Variants in RANBP3L observed in about 807,000 individuals in gnomAD.
The protein encoded by RANBP3L is ran-binding protein 3-like.
In RANBP3L, 56 loss-of-function variants were observed where a neutral mutation model predicts 67.2. The observed-to-expected ratio is 0.83, with a 90% CI of 0.67 to 1.04. The LOEUF (loss-of-function observed/expected upper bound fraction) is 1.04, where lower values mean the gene tolerates loss of function less well. Among genes scored for constraint, RANBP3L ranks in the 50% least tolerant of loss-of-function variants. The probability of loss-of-function intolerance (pLI) is 0.00; values close to 1 mark genes in which losing one functional copy is unlikely to be tolerated. For synonymous variants in RANBP3L, 164 were observed against 181.4 expected (o/e 0.90, Z 0.77); for missense variants, 496 against 535.5 (o/e 0.93, Z 0.73).
At chr5:36,264,830 T>C in intron 6 of RANBP3L, 129 bp downstream of exon 6, 1 of 759,892 alleles carries the variant, frequency 1.3e-6, no homozygotes, top group South Asian at 1.9e-5. Flanking sequence ...ACCAAGGGCT[T>C]TATGCTATCT....
At position 36,259,835 on chromosome 5, in the gene RANBP3L, T is replaced by A. The variant is rs74498842; in HGVS notation, c.669+945A>T. On this transcript the variant is annotated intron_variant, in intron 8 of 13. Coordinates refer to ENST00000296604, the MANE Select transcript of RANBP3L (RefSeq NM_145000.5). ...TGGTTTTCCACAGCTTTCACTTTTC[T>A]GTAAAATTTTCCACTGTAGATCAGA... Among the ~76,000 whole-genome samples, 81 of 152,284 alleles carry A rather than the reference T, an allele frequency of 5.3e-4. 1 individual carries two copies. In the East Asian group the frequency reaches 0.015, roughly 29 times the overall value.
At chr5:36,284,194 A>G (rs1327087092) in intron 1 of RANBP3L, among the ~76,000 whole-genome samples, 2 of 152,196 alleles carry the variant, frequency 1.3e-5, no homozygotes, top group African/African-American at 2.4e-5. Flanking sequence ...AGGTGGCTTT[A>G]GTTAGTATCA....
At chr5:36,292,087 G>T (rs1296951149) in intron 1 of RANBP3L, among the ~76,000 whole-genome samples, 1 of 148,576 alleles carries the variant, frequency 6.7e-6, no homozygotes, top group African/African-American at 2.5e-5. Context: ...TTGAATGATT[G>T]CCATTCTAAC....
At chr5:36,289,067 T>C (rs1751526785) in intron 1 of RANBP3L, among the ~76,000 whole-genome samples, 1 of 152,140 alleles carries the variant, frequency 6.6e-6, no homozygotes, top group African/African-American at 2.4e-5. Flanking sequence ...CTTTTGTGTT[T>C]CAGTTATATT....
At chr5:36,291,561 C>A (rs1411151823) in intron 1 of RANBP3L, among the ~76,000 whole-genome samples, 4 of 152,064 alleles carry the variant, frequency 2.6e-5, no homozygotes, top group Non-Finnish European at 5.9e-5. Flanking sequence ...GCCCCCACCC[C>A]ACAACAGTCC....
intron 1 of RANBP3L, among the ~76,000 whole-genome samples, chr5:36,282,053 G>A (rs1439044578): frequency 6.6e-6 from 1 of 152,204 alleles, no homozygotes; most frequent in Admixed American, 6.5e-5. Flanking sequence ...CAAGGGCTCA[G>A]AAAGTTGCAG....
At position 36,247,331 on chromosome 5, in the gene RANBP3L, C is replaced by G. The variant is rs1748350641; in HGVS notation, c.*2323G>C. The stretch of plus-strand genomic sequence containing the variant: ...GAGTTGTGAGCTAAATATCATGTTT[C>G]TGTTCTTCTTCTCCATTTCATAATC... On this transcript the variant is annotated 3_prime_UTR_variant, in exon 14 of 14. Transcript: ENST00000296604. Among the ~76,000 whole-genome samples, 1 of 152,190 alleles carries G rather than the reference C, an allele frequency of 6.6e-6. No individual in the cohort carries two copies.
Position 36,257,461 on chromosome 5 carries a change from TA to T in RANBP3L, c.764del (p.Leu255Ter), listed in dbSNP as rs1561099241. 2 of 1,527,598 alleles carry T rather than the reference TA, an allele frequency of 1.3e-6. No homozygotes were observed. Among genetic ancestry groups the T allele is most frequent in the Non-Finnish European group, 1.8e-6 (2 of 1,109,208 alleles). 94.6% of individuals were successfully genotyped at this position (1,527,598 alleles called of 1,614,324 possible). A position where few individuals can be genotyped will look rare whatever the true frequency, so the allele number is the denominator to read the frequency against. ...KSIPKFPVNF[L>X]SSRTDSIKNT... ...AAATGAAAGAATTCTTACTTGAACT[TA>T]AAAAGTTGACAGGAAATTTCGGAAT... On this transcript the variant is annotated frameshift_variant, in exon 9 of 14. Transcript: ENST00000296604. LOFTEE classifies it high-confidence loss of function.
rs1292328164 is a variant in RANBP3L at position 36,271,330 on chromosome 5, C to G, written c.92-19G>C. On this transcript the variant is annotated intron_variant, in intron 1 of 13. Transcript: ENST00000296604. ...GATTTTTCTGTGAAAAAAAAGAAAACAGGCAAGAAATCAAAGCATACTCTG... is the reference window on the plus strand; with the variant it reads ...GATTTTTCTGTGAAAAAAAAGAAAAGAGGCAAGAAATCAAAGCATACTCTG... The G allele has an allele frequency of 6.6e-7, 1 of 1,509,596 alleles. No homozygotes were observed. Among genetic ancestry groups the G allele is most frequent in the South Asian group, 1.1e-5 (1 of 87,178 alleles). The allele number at this position is 1,509,596 out of a possible 1,614,324, so 93.5% of individuals were successfully genotyped here.
intron 1 of RANBP3L, among the ~76,000 whole-genome samples, chr5:36,280,951 G>A (rs544648086): frequency 6.6e-6 from 1 of 152,218 alleles, no homozygotes; most frequent in East Asian, 1.9e-4. Context: ...TGAAAAGTTA[G>A]ATCTGGCTGA....
At position 36,271,275 on chromosome 5, in the gene RANBP3L, T is replaced by C; in HGVS notation, c.128A>G (p.Glu43Gly). 1 of 1,588,064 alleles carries C rather than the reference T, an allele frequency of 6.3e-7. No individual in the cohort carries two copies. Among genetic ancestry groups the C allele is most frequent in the South Asian group, 1.1e-5 (1 of 89,926 alleles). The change falls in exon 2 of 14, where the codon GAA becomes GGA. Residue 43 changes from glutamate to glycine, a missense_variant. Coordinates refer to ENST00000296604, the MANE Select transcript of RANBP3L (RefSeq NM_145000.5). ...TACCTTAAAAGTTTGTTCTCCCTTT[T>C]CAAAAACAAATATGGGTTGAGCAAT... Reference protein sequence around the residue: ...SVIAQPIFVFEKGEQTFKRPA... With the variant: ...SVIAQPIFVFGKGEQTFKRPA...
In RANBP3L at chr5:36,248,185, C is replaced by G. The variant is rs373505757; in HGVS notation, c.*1469G>C. ...TTCCCCTTCTATCTTTTCTTCATCT[C>G]TCTCACATTTACTTTATTTTTCCTC... On this transcript the variant is annotated 3_prime_UTR_variant, in exon 14 of 14. Coordinates refer to ENST00000296604, the MANE Select transcript of RANBP3L (RefSeq NM_145000.5). Among the ~76,000 whole-genome samples the G allele has an allele frequency of 8.3e-4, 127 of 152,216 alleles. No homozygotes were observed. Among genetic ancestry groups the G allele is most frequent in the African/African-American group, 2.6e-3 (110 of 41,552 alleles).
rs1179761775 is a variant in RANBP3L at position 36,268,208 on chromosome 5, G to A, written c.268+1182C>T. ...TCTTTATTACCTGGCCCAGAATGGG[G>A]GAAGGTTGGGAGGTTAGTGACGGAT... On this transcript the variant is annotated intron_variant, in intron 4 of 13. Transcript: ENST00000296604. The A allele has an allele frequency of 1.1e-5, 17 of 1,537,816 alleles. 1 individual carries two copies. The highest frequency in any genetic ancestry group is 5.0e-5 in the East Asian group (2 of 39,730).
At chr5:36,253,507 A>T in intron 12 of RANBP3L, 140 bp downstream of exon 12, 1 of 615,218 alleles carries the variant, frequency 1.6e-6, no homozygotes, top group Non-Finnish European at 2.7e-6. Flanking sequence ...TTTATGTCTT[A>T]TGCTATAAAC....
In RANBP3L at chr5:36,257,473, A is replaced by G. The variant is rs1749067904; in HGVS notation, c.753T>C (p.Pro251=). 1.3e-6 allele frequency: 2 copies of G among 1,563,852 alleles called. No homozygotes were observed. The highest frequency in any genetic ancestry group is 1.1e-5 in the South Asian group (1 of 87,234). ...EKPFKSIPKF[P]VNFLSSRTDS... is the part of the protein sequence containing the mutation. Reference sequence around the variant, plus strand: ...TCTTACTTGAACTTAAAAAGTTGACAGGAAATTTCGGAATGGATTTGAATG... The same window carrying G: ...TCTTACTTGAACTTAAAAAGTTGACGGGAAATTTCGGAATGGATTTGAATG... Residue 251 remains proline (P), a synonymous_variant, in exon 9 of 14, where the codon CCT becomes CCC. Transcript: ENST00000296604.
chr5:36,257,854 A>G (rs954174944), intron 8 of RANBP3L, among the ~76,000 whole-genome samples: 29 of 35,860 alleles, frequency 8.1e-4, no homozygotes, highest in Admixed American at 1.5e-3. Flanking sequence ...TAGATGTTCC[A>G]CACTCTCACT....
intron 6 of RANBP3L, among the ~76,000 whole-genome samples, chr5:36,264,041 A>G (rs1417976044): frequency 6.6e-6 from 1 of 152,236 alleles, no homozygotes; most frequent in Non-Finnish European, 1.5e-5. Context: ...TAGGAATATA[A>G]AAATATTGGA....
chr5:36,284,855 A>G (rs1176949173), intron 1 of RANBP3L, among the ~76,000 whole-genome samples: 1 of 152,208 alleles, frequency 6.6e-6, no homozygotes, highest in Non-Finnish European at 1.5e-5. Flanking sequence ...TTGGTAATTC[A>G]TATAGAAATT....
At chr5:36,279,392 T>G (rs1055084462) in intron 1 of RANBP3L, among the ~76,000 whole-genome samples, 2 of 152,122 alleles carry the variant, frequency 1.3e-5, no homozygotes, top group African/African-American at 4.8e-5. Flanking sequence ...TACTAAAAGA[T>G]TAAAAAGTAT....
Sources: allele counts gnomAD v4.1 joint callset (sites outside exome capture counted in the v4.1 genomes callset), GRCh38; gene constraint gnomAD v4.1.1; transcripts MANE v1.5; gene names NCBI Gene and HGNC (gene_info 2026-07-23, HGNC 2026-07-21).